Variants in SH3BP2 observed in about 807,000 individuals in gnomAD.
SH3BP2 encodes SH3 domain-binding protein 2.
In SH3BP2, 38 loss-of-function variants were observed where a neutral mutation model predicts 56.2. That is an observed-to-expected ratio of 0.68 (90% confidence interval 0.52 to 0.89). The LOEUF (loss-of-function observed/expected upper bound fraction) is 0.89, where lower values mean the gene tolerates loss of function less well. SH3BP2 is among the 40% of genes least tolerant of loss of function. The pLI is 0.00. For missense variants in SH3BP2, 748 were observed against 762.6 expected (o/e 0.98, Z 0.23); for synonymous variants, 346 against 316.7 (o/e 1.09, Z -0.98).
At position 2,823,067 on chromosome 4, in the gene SH3BP2, G is replaced by A. The variant is rs1215621963; in HGVS notation, c.239+30G>A. 3 of 1,517,946 alleles carry A rather than the reference G, an allele frequency of 2.0e-6. No homozygotes were observed. In the Admixed American group the frequency reaches 5.1e-5, roughly 26 times the overall value. The allele number at this position is 1,517,946 out of a possible 1,614,324, so 94.0% of individuals were successfully genotyped here. Reference sequence around the variant, plus strand: ...GTGCCCGACCTGCCTGCTGACCTCGGGCCCCCACAGCCAGCGGGTCCCTCC... The same window carrying A: ...GTGCCCGACCTGCCTGCTGACCTCGAGCCCCCACAGCCAGCGGGTCCCTCC... On this transcript the variant is annotated intron_variant, in intron 3 of 12. Transcript: ENST00000503393.
chr4:2,807,071 C>T (rs1723563860), intron 1 of SH3BP2, among the ~76,000 whole-genome samples: 1 of 152,234 alleles, frequency 6.6e-6, no homozygotes, highest in African/African-American at 2.4e-5. Context: ...GCCTCTGAGC[C>T]CCGAACACAC....
chr4:2,809,704 G>A (rs1723669519), intron 1 of SH3BP2: 1 of 770,214 alleles, frequency 1.3e-6, no homozygotes, highest in Non-Finnish European at 1.6e-6. Flanking sequence ...CCACTGTGCT[G>A]GGTGTTTGCC....
At chr4:2,832,502 CACT>C (rs1725045502) in intron 11 of SH3BP2, 90 bp downstream of exon 11, 1 of 961,864 alleles carries the variant, frequency 1.0e-6, no homozygotes, top group Admixed American at 1.7e-5. Context: ...GTTCCTAAAC[CACT>C]CCCCTTGTGG....
At chr4:2,800,483 A>G (rs1723223696) in intron 1 of SH3BP2, among the ~76,000 whole-genome samples, 1 of 151,820 alleles carries the variant, frequency 6.6e-6, no homozygotes, top group Non-Finnish European at 1.5e-5. Context: ...GCTTGCTTAC[A>G]GGCCCTGCTG....
At position 2,802,602 on chromosome 4, in the gene SH3BP2, G is replaced by A. The variant is rs929979352; in HGVS notation, c.-5+9464G>A. Among the ~76,000 whole-genome samples, 13 of 133,578 alleles carry A rather than the reference G, an allele frequency of 9.7e-5. No homozygotes were observed. The South Asian group carries it at 2.7e-3, about 28-fold the overall frequency. 87.6% of individuals were successfully genotyped at this position (133,578 alleles called of 152,430 possible). A position where few individuals can be genotyped will look rare whatever the true frequency, so the allele number is the denominator to read the frequency against. On this transcript the variant is annotated intron_variant, in intron 1 of 12. Transcript: ENST00000503393. ...TATGTATATATATGTTTGTATATAT[G>A]TGTATATATGTGTATATATGTGTAT...
chr4:2,797,590 G>A (rs1723105513), intron 1 of SH3BP2, among the ~76,000 whole-genome samples: 1 of 152,196 alleles, frequency 6.6e-6, no homozygotes, highest in African/African-American at 2.4e-5. Context: ...CCTGCTTGGT[G>A]CTCAGGGTAC....
rs1223610308 is a variant in SH3BP2 at position 2,810,491 on chromosome 4, C to G, written c.-4-10123C>G. 6.6e-6 allele frequency among the ~76,000 whole-genome samples: 1 copy of G among 151,878 alleles called. No homozygotes were observed. The highest frequency in any genetic ancestry group is 1.5e-5 in the Non-Finnish European group (1 of 67,958). On this transcript the variant is annotated intron_variant, in intron 1 of 12. Transcript: ENST00000503393. The surrounding 1 kb of genome is among the most constrained non-coding windows in gnomAD (Gnocchi z 4.2). ...GCTTCCAGCTCAGGCCTTGTCCGCT[C>G]TTGCATTTGCCTGCCCAGTAAGGGG...
At chr4:2,833,329 G>T in intron 12 of SH3BP2, 1 of 581,430 alleles carries the variant, frequency 1.7e-6, no homozygotes, top group Non-Finnish European at 3.1e-6. Flanking sequence ...GCGGGGACAG[G>T]GGTCTCACTG....
chr4:2,812,378 G>A, intron 1 of SH3BP2: 2 of 1,550,300 alleles, frequency 1.3e-6, no homozygotes, highest in Non-Finnish European at 1.7e-6. Context: ...GGCTGCCTGG[G>A]CTGGTGGCCC....
Position 2,829,475 on chromosome 4 carries a change from G to T in SH3BP2, c.587-18G>T. 1 of 1,613,330 alleles carries T rather than the reference G, an allele frequency of 6.2e-7. No homozygotes were observed. The highest frequency in any genetic ancestry group is 8.5e-7 in the Non-Finnish European group (1 of 1,179,842). ...CCAGTCTCTGTCAGGGTCCAACCCG[G>T]GTCTCTTTGCTCTGCAGATGCCCTG... On this transcript the variant is annotated intron_variant, in intron 7 of 12. Coordinates refer to ENST00000503393, the MANE Select transcript of SH3BP2 (RefSeq NM_001122681.2). This position sits in a 1 kb window ranked among gnomAD's most constrained non-coding sequence, Gnocchi z 4.9.
chr4:2,808,538 G>A (rs1723625412), intron 1 of SH3BP2, among the ~76,000 whole-genome samples: 1 of 152,060 alleles, frequency 6.6e-6, no homozygotes, highest in African/African-American at 2.4e-5. Flanking sequence ...CTCTATCCCA[G>A]TTGGGTAGTG....
chr4:2,795,687 G>A (rs933148569), intron 1 of SH3BP2, among the ~76,000 whole-genome samples: 2 of 151,460 alleles, frequency 1.3e-5, no homozygotes, highest in Admixed American at 6.6e-5. Context: ...TGAGCCGGGC[G>A]GGCAGCCATG....
At chr4:2,818,321 G>C in intron 1 of SH3BP2, 2 of 1,133,370 alleles carry the variant, frequency 1.8e-6, no homozygotes, top group Non-Finnish European at 2.2e-6. Context: ...CCGGGGCCGT[G>C]CCGGTGCTCG....
chr4:2,807,004 C>T (rs1723561239), intron 1 of SH3BP2, among the ~76,000 whole-genome samples: 1 of 152,286 alleles, frequency 6.6e-6, no homozygotes, highest in South Asian at 2.1e-4. Flanking sequence ...CCGTTGCACA[C>T]AGCAGTGGCC....
At chr4:2,809,974 C>T (rs577524226) in intron 1 of SH3BP2, 397 of 206,830 alleles carry the variant, frequency 1.9e-3, no homozygotes, top group Middle Eastern at 0.012. Flanking sequence ...GGCCATGCCC[C>T]GCTGCACACA....
rs542291789 is a variant in SH3BP2 at position 2,840,785 on chromosome 4, T to A, written c.*6951T>A. On this transcript the variant is annotated 3_prime_UTR_variant, in exon 13 of 13. Coordinates refer to ENST00000503393, the MANE Select transcript of SH3BP2 (RefSeq NM_001122681.2). ...TTTGGGAATTTATTATAGCTATCAA[T>A]CAGTTTTGGGAAAATTGACGTCTTT... 26 of 152,222 alleles carry A rather than the reference T, an allele frequency of 1.7e-4. No homozygotes were observed. The highest frequency in any genetic ancestry group is 3.5e-4 in the Non-Finnish European group (24 of 68,034). 9.4% of individuals were successfully genotyped at this position (152,222 alleles called of 1,614,324 possible). A position where few individuals can be genotyped will look rare whatever the true frequency, so the allele number is the denominator to read the frequency against.
intron 1 of SH3BP2, among the ~76,000 whole-genome samples, chr4:2,806,141 C>T (rs1355367169): frequency 6.6e-6 from 1 of 152,220 alleles, no homozygotes; most frequent in East Asian, 1.9e-4. Flanking sequence ...CCCACCAAAG[C>T]CTGCACGCTG....
rs975164123 is a variant in SH3BP2, at chr4:2,839,467, C to T, written c.*5633C>T. On this transcript the variant is annotated 3_prime_UTR_variant, in exon 13 of 13. Coordinates refer to ENST00000503393, the MANE Select transcript of SH3BP2 (RefSeq NM_001122681.2). ...ATAGGCGTGAGCTACCAGATTTTTT[C>T]TTATTAATCTAATAATTCTTTGTAT... 7.9e-5 allele frequency: 12 copies of T among 152,120 alleles called. No homozygotes were observed. Among genetic ancestry groups the T allele is most frequent in the African/African-American group, 2.9e-4 (12 of 41,428 alleles). 9.4% of individuals were successfully genotyped at this position (152,120 alleles called of 1,614,324 possible).
At chr4:2,795,106 A>G (rs949642733) in intron 1 of SH3BP2, among the ~76,000 whole-genome samples, 2 of 151,252 alleles carry the variant, frequency 1.3e-5, no homozygotes, top group African/African-American at 4.9e-5. Context: ...CGTAGGGGGG[A>G]TGGTGGTGGT....
Sources: gnomAD v4.1 joint callset for allele counts (sites outside exome capture counted in the v4.1 genomes callset) on GRCh38, gnomAD v4.1.1 for gene constraint, Gnocchi (gnomAD v3.1) non-coding constraint, MANE v1.5 for transcripts, NCBI Gene and HGNC (gene_info 2026-07-23, HGNC 2026-07-21) for gene names.